Variants in PACRG observed in about 807,000 individuals in gnomAD.
The protein encoded by PACRG is parkin coregulated gene protein.
PACRG carries 29 observed loss-of-function variants against 29.7 expected under a neutral mutation model. The observed-to-expected ratio is 0.98, with a 90% confidence interval of 0.73 to 1.33. The LOEUF (loss-of-function observed/expected upper bound fraction) is 1.33. Among genes scored for constraint, PACRG ranks in the 40% most tolerant of loss-of-function variants. The pLI, the probability that PACRG is intolerant of heterozygous loss-of-function variation, is 0.00. For missense variants in PACRG, 279 were observed against 316.2 expected, an observed-to-expected ratio of 0.88 and a Z score of 0.89; for synonymous variants, 116 against 118.7, an observed-to-expected ratio of 0.98 and a Z score of 0.15.
intron 4 of PACRG, among the ~76,000 whole-genome samples, chr6:163,261,419 C>A (rs577005977): frequency 6.6e-6 from 1 of 152,150 alleles, no homozygotes; most frequent in Admixed American, 6.5e-5. Context: ...CCTTGCCCCC[C>A]ACCCCCTGAG....
At chr6:163,257,530 CA>C (rs1285543565) in intron 4 of PACRG, among the ~76,000 whole-genome samples, 1 of 152,194 alleles carries the variant, frequency 6.6e-6, no homozygotes. Flanking sequence ...TATTTTTTTA[CA>C]ACTATCAAAC....
chr6:162,969,046 C>CAAA (rs35665491), intron 2 of PACRG, among the ~76,000 whole-genome samples: 8 of 72,840 alleles, frequency 1.1e-4, no homozygotes, highest in African/African-American at 3.6e-4. Flanking sequence ...GACTCTATCA[C>CAAA]AAAAAAAAAA....
chr6:163,098,199 CTCAAAAGGAACTGCAG>C, intron 4 of PACRG, among the ~76,000 whole-genome samples: 1 of 152,226 alleles, frequency 6.6e-6, no homozygotes, highest in African/African-American at 2.4e-5. Context: ...GAGTTCAGTC[CTCAAAAGGAACTGCAG>C]TATGGAAACA....
intron 4 of PACRG, among the ~76,000 whole-genome samples, chr6:163,121,962 G>A (rs1032627568): frequency 1.2e-4 from 18 of 151,846 alleles, no homozygotes; most frequent in African/African-American, 2.9e-4. Flanking sequence ...ACGCCTGGCC[G>A]GTGATCTTTT....
At chr6:163,034,133 A>T (rs1364494028) in intron 2 of PACRG, among the ~76,000 whole-genome samples, 1 of 152,116 alleles carries the variant, frequency 6.6e-6, no homozygotes, top group Non-Finnish European at 1.5e-5. Flanking sequence ...GCGCTCAGGG[A>T]GGCCAGAGAA....
At chr6:162,981,808 G>A (rs1032466316) in intron 2 of PACRG, among the ~76,000 whole-genome samples, 1 of 151,632 alleles carries the variant, frequency 6.6e-6, no homozygotes, top group Non-Finnish European at 1.5e-5. Flanking sequence ...GAGCTGTTGT[G>A]AAAGGGGTTG....
chr6:163,242,899 T>C (rs1365338745), intron 4 of PACRG, among the ~76,000 whole-genome samples: 1 of 152,254 alleles, frequency 6.6e-6, no homozygotes, highest in Non-Finnish European at 1.5e-5. Context: ...AACATTTAAA[T>C]GGGCTTCAAT....
intron 2 of PACRG, among the ~76,000 whole-genome samples, chr6:162,883,684 C>CTGTGTGTGTGTGTG (rs144543802): frequency 2.1e-5 from 3 of 145,848 alleles, no homozygotes; most frequent in East Asian, 2.1e-4. Flanking sequence ...TTTTCAAAAA[C>CTGTGTGTGTGTGTG]TGTGTGTGTG....
At chr6:162,897,134 GA>G (rs1486175850) in intron 2 of PACRG, among the ~76,000 whole-genome samples, 2 of 152,154 alleles carry the variant, frequency 1.3e-5, no homozygotes, top group Non-Finnish European at 2.9e-5. Flanking sequence ...AACAAAACTT[GA>G]AAAACCTAGT....
chr6:162,936,869 C>A (rs866855766), intron 2 of PACRG, among the ~76,000 whole-genome samples: 4 of 151,512 alleles, frequency 2.6e-5, no homozygotes, highest in African/African-American at 9.7e-5. Context: ...ATGTGCATTT[C>A]TAAAATATTT....
At chr6:163,096,483 G>C (rs1814601678) in intron 4 of PACRG, among the ~76,000 whole-genome samples, 1 of 152,142 alleles carries the variant, frequency 6.6e-6, no homozygotes, top group Non-Finnish European at 1.5e-5. Flanking sequence ...CAGCTGCCGA[G>C]CACAGCACTG....
At chr6:163,170,582 G>C (rs1779034514) in intron 4 of PACRG, 1 of 152,186 alleles carries the variant, frequency 6.6e-6, no homozygotes, top group South Asian at 2.1e-4. Flanking sequence ...CTGCCACAGG[G>C]TTCGCCCTGC....
At chr6:163,091,405 A>T (rs1459908241) in intron 4 of PACRG, among the ~76,000 whole-genome samples, 1 of 152,216 alleles carries the variant, frequency 6.6e-6, no homozygotes, top group Non-Finnish European at 1.5e-5. Flanking sequence ...CCCTAGTAAG[A>T]TTTTATCAAT....
intron 4 of PACRG, among the ~76,000 whole-genome samples, chr6:163,222,478 C>A (rs1024509594): frequency 6.6e-6 from 1 of 152,096 alleles, no homozygotes; most frequent in Non-Finnish European, 1.5e-5. Flanking sequence ...TACTTGGGAG[C>A]CTGAGGCAGG....
intron 4 of PACRG, among the ~76,000 whole-genome samples, chr6:163,313,381 A>C (rs2128194751): frequency 6.6e-6 from 1 of 152,234 alleles, no homozygotes; most frequent in South Asian, 2.1e-4. Context: ...TAAGGATAGA[A>C]ATTTATTGTG....
intron 4 of PACRG, among the ~76,000 whole-genome samples, chr6:163,262,077 C>A (rs1445174678): frequency 2.0e-5 from 3 of 152,142 alleles, no homozygotes; most frequent in African/African-American, 4.8e-5. Context: ...GTATTCTGTG[C>A]ATTCTAAAAT....
chr6:162,950,901 A>C (rs1385204378), intron 2 of PACRG, among the ~76,000 whole-genome samples: 1 of 152,248 alleles, frequency 6.6e-6, no homozygotes, highest in African/African-American at 2.4e-5. Context: ...TCTAGCACTT[A>C]GTGAAACAAG....
intron 2 of PACRG, among the ~76,000 whole-genome samples, chr6:163,020,780 T>C (rs1806535905): frequency 6.6e-6 from 1 of 152,182 alleles, no homozygotes. Context: ...CTGAGCTTAG[T>C]GTTATAACTG....
intron 4 of PACRG, among the ~76,000 whole-genome samples, chr6:163,256,938 G>A (rs761073281): frequency 7.2e-5 from 11 of 152,148 alleles, no homozygotes; most frequent in Non-Finnish European, 1.3e-4. Context: ...GGGGAACCCT[G>A]GATCCTGGCA....
Sources: gnomAD v4.1 joint callset for allele counts (sites outside exome capture counted in the v4.1 genomes callset) on GRCh38, gnomAD v4.1.1 for gene constraint, MANE v1.5 for transcripts, NCBI Gene and HGNC (gene_info 2026-07-23, HGNC 2026-07-21) for gene names.